ATP13A2: variants seen among roughly 807,000 people sequenced by gnomAD.
ATP13A2 encodes the protein ATPase cation transporting 13A2.
In ATP13A2, 83 loss-of-function variants were observed where a neutral mutation model predicts 138.3. That is an observed-to-expected ratio of 0.60 (90% CI 0.50 to 0.72). The LOEUF (loss-of-function observed/expected upper bound fraction) is 0.72. Ranked by LOEUF, ATP13A2 falls within the 30% of genes least tolerant of loss-of-function variation. The pLI is 0.00. For missense variants in ATP13A2, 1,402 were observed against 1,606.4 expected, an observed-to-expected ratio of 0.87 and a Z score of 2.17; for synonymous variants, 663 against 699.0, an observed-to-expected ratio of 0.95 and a Z score of 0.81.
chr1:16,996,052 C>T lies in ATP13A2; in HGVS notation c.1466G>A (p.Arg489Gln), dbSNP rs760567858. The T allele has an allele frequency of 1.3e-5, 21 of 1,613,980 alleles. No homozygotes were observed. The highest frequency in any genetic ancestry group is 1.7e-5 in the Non-Finnish European group (20 of 1,180,060). Residue 489 changes from arginine (R) to glutamine (Q), a missense_variant, in exon 15 of 29, where the codon CGG becomes CAG. Transcript: ENST00000326735. ...GTGGATGCAGAAAATGCCCTGTCTC[C>T]GCAGTCGGCTCTGGGCGTAGAGCGT... ...VCTLYAQSRLRRQGIFCIHPL... is the reference protein window; with the variant it reads ...VCTLYAQSRLQRQGIFCIHPL...
rs1285967567 is a variant in ATP13A2, at chr1:16,995,749, C to A, written c.1542+227G>T. ...ACGTGAGCCACCGCGCCCGGCCCCC[C>A]ACCAGTTCTTGAACACATGAATACA... On this transcript the variant is annotated intron_variant, in intron 15 of 28. Coordinates refer to ENST00000326735, the MANE Select transcript of ATP13A2 (RefSeq NM_022089.4). The surrounding 1 kb of genome is among the most constrained non-coding windows in gnomAD (Gnocchi z 4.1). 3 of 662,444 alleles carry A rather than the reference C, an allele frequency of 4.5e-6. No homozygotes were observed. Among genetic ancestry groups the A allele is most frequent in the South Asian group, 1.7e-5 (1 of 59,228 alleles). The allele number at this position is 662,444 out of a possible 1,614,324, so 41.0% of individuals were successfully genotyped here. A position where few individuals can be genotyped will look rare whatever the true frequency, so the allele number is the denominator to read the frequency against.
In ATP13A2 at chr1:16,987,207, C is replaced by T; in HGVS notation, c.2922G>A (p.Val974=). Residue 974 remains valine, a synonymous_variant, in exon 26 of 29, where the codon GTG becomes GTA. Coordinates refer to ENST00000326735, the MANE Select transcript of ATP13A2 (RefSeq NM_022089.4). Reference sequence around the variant, plus strand: ...GCCCCGTGCGGCTCATGAGCACTGCCACTGTGGTGGTGATGACCAGGTCGA... The same window carrying T: ...GCCCCGTGCGGCTCATGAGCACTGCTACTGTGGTGGTGATGACCAGGTCGA... ...LAIDLVITTT[V]AVLMSRTGPA... is the part of the protein sequence containing the mutation. 6.2e-7 allele frequency: 1 copy of T among 1,613,878 alleles called. No individual in the cohort carries two copies. Among genetic ancestry groups the T allele is most frequent in the Non-Finnish European group, 8.5e-7 (1 of 1,179,866 alleles).
intron 8 of ATP13A2, chr1:17,000,910 C>A: frequency 4.6e-6 from 1 of 217,068 alleles, no homozygotes; most frequent in Non-Finnish European, 9.3e-6. Context: ...CCACTGCACT[C>A]CAGCCTGAGT....
Position 16,996,478 on chromosome 1 carries a change from C to G in ATP13A2, c.1214G>C (p.Gly405Ala), listed in dbSNP as rs1302744924. 4 of 1,613,978 alleles carry G rather than the reference C, an allele frequency of 2.5e-6. No homozygotes were observed. Among genetic ancestry groups the G allele is most frequent in the Non-Finnish European group, 3.4e-6 (4 of 1,179,984 alleles). Residue 405 changes from glycine (G) to alanine (A), a missense_variant, in exon 13 of 29, where the codon GGG becomes GCG. By Grantham distance (60) the Gly-to-Ala change is moderately conservative. Transcript: ENST00000326735. ...GTGCAAGATGGAGCTCACCAGGCCC[C>G]CTTTTGCCGTGCAGAACCCTGGGGA... is the stretch of plus-strand genomic sequence containing the variant. The part of the protein sequence containing the change: ...VTRTGFCTAK[G>A]GLVSSILHPR...
intron 11 of ATP13A2, 47 bp from the exon 12 acceptor site, chr1:16,997,222 A>G (rs760618786): frequency 6.2e-7 from 1 of 1,609,538 alleles, no homozygotes; most frequent in Non-Finnish European, 8.5e-7. Flanking sequence ...CCTCCCTCCC[A>G]CCAGCAAACC....
rs759966151 is a variant in ATP13A2, at chr1:17,004,408, G to A, written c.481C>T (p.Arg161Trp). Residue 161 changes from arginine to tryptophan, a missense_variant, in exon 6 of 29, where the codon CGG becomes TGG. Arg to Trp is a moderately radical substitution (Grantham distance 101, BLOSUM62 -3). Coordinates refer to ENST00000326735, the MANE Select transcript of ATP13A2 (RefSeq NM_022089.4). The surrounding 1 kb of genome is among the most constrained non-coding windows in gnomAD (Gnocchi z 4.1). ...TGGAAGAGGTAATACCGCAGCACCCGCTTCTGGGTGGGAGAGAGGAGAGGA... is the reference window on the plus strand; with the variant it reads ...TGGAAGAGGTAATACCGCAGCACCCACTTCTGGGTGGGAGAGAGGAGAGGA... ...SEEAVSVGQK[R>W]VLRYYLFQGQ... The A allele has an allele frequency of 4.3e-6, 7 of 1,614,020 alleles. No individual in the cohort carries two copies. Among genetic ancestry groups the A allele is most frequent in the East Asian group, 2.2e-5 (1 of 44,872 alleles).
chr1:16,991,559 A>G lies in ATP13A2; in HGVS notation c.2251+175T>C, dbSNP rs377088002. Reference sequence around the variant, plus strand: ...TTTCCTCATCTGTCAAACAGGGGTGACAATTACCACTTGCGGGGGGGATAT... The same window carrying G: ...TTTCCTCATCTGTCAAACAGGGGTGGCAATTACCACTTGCGGGGGGGATAT... On this transcript the variant is annotated intron_variant, in intron 20 of 28. Transcript: ENST00000326735. Among the ~76,000 whole-genome samples, 3 of 152,188 alleles carry G rather than the reference A, an allele frequency of 2.0e-5. No homozygotes were observed. The East Asian group carries it at 5.8e-4, about 29-fold the overall frequency.
In ATP13A2 at chr1:16,997,075, G is replaced by C. The variant is rs1179481055; in HGVS notation, c.1140C>G (p.Ile380Met). 6.2e-7 allele frequency: 1 copy of C among 1,613,566 alleles called. No individual in the cohort carries two copies. The highest frequency in any genetic ancestry group is 2.2e-5 in the East Asian group (1 of 44,882). The change falls in exon 12 of 29, where the codon ATC becomes ATG. Residue 380 changes from isoleucine (I) to methionine (M), a missense_variant. Coordinates refer to ENST00000326735, the MANE Select transcript of ATP13A2 (RefSeq NM_022089.4). ...GTCCCACATAGGCCCGGGCCTGCAA[G>C]ATGAGGGTCCCGCAGAAGAGTGTGT... is the stretch of plus-strand genomic sequence containing the variant. ...RRHTLFCGTL[I>M]LQARAYVGPH...
intron 23 of ATP13A2, among the ~76,000 whole-genome samples, 182 bp downstream of exon 23, chr1:16,989,509 C>A (rs2076848564): frequency 6.6e-6 from 1 of 152,230 alleles, no homozygotes; most frequent in Non-Finnish European, 1.5e-5. Context: ...CCGCACCCAG[C>A]CTACAATTAT....
chr1:16,992,290 A>G lies in ATP13A2; in HGVS notation c.1958T>C (p.Val653Ala). The G allele has an allele frequency of 6.2e-7, 1 of 1,612,604 alleles. No individual in the cohort carries two copies. The highest frequency in any genetic ancestry group is 8.5e-7 in the Non-Finnish European group (1 of 1,179,852). Reference sequence around the variant, plus strand: ...TGCCACCAGCTCCGGGGAGCCTTTGACGTAGGCCTCGGGCTGAGTGGCCCC... The same window carrying G: ...TGCCACCAGCTCCGGGGAGCCTTTGGCGTAGGCCTCGGGCTGAGTGGCCCC... ...WPGATQPEAY[V>A]KGSPELVAGL... Residue 653 changes from valine (V) to alanine (A), a missense_variant, in exon 18 of 29, where the codon GTC becomes GCC. Physicochemically the swap from Val to Ala is moderately conservative, Grantham distance 64. Coordinates refer to ENST00000326735, the MANE Select transcript of ATP13A2 (RefSeq NM_022089.4).
chr1:17,005,295 G>A, intron 3 of ATP13A2, 79 bp downstream of exon 3: 5 of 1,542,566 alleles, frequency 3.2e-6, no homozygotes, highest in Non-Finnish European at 4.4e-6. Context: ...CAGTGGCCGG[G>A]TTGGCACCCA....
intron 25 of ATP13A2, among the ~76,000 whole-genome samples, 186 bp downstream of exon 25, chr1:16,987,952 C>T (rs984354393): frequency 2.6e-5 from 4 of 152,272 alleles, no homozygotes; most frequent in South Asian, 2.1e-4. Context: ...TACCAGGCTC[C>T]GTGCCTGGTG....
chr1:16,993,449 G>A (rs1242485204), intron 16 of ATP13A2, among the ~76,000 whole-genome samples, 180 bp downstream of exon 16: 3 of 152,138 alleles, frequency 2.0e-5, no homozygotes, highest in Admixed American at 6.5e-5. Flanking sequence ...TGATCCTCCC[G>A]TCTTGGCCTC....
intron 11 of ATP13A2, among the ~76,000 whole-genome samples, chr1:16,999,271 T>C (rs1249240410): frequency 6.6e-6 from 1 of 151,078 alleles, no homozygotes; most frequent in Non-Finnish European, 1.5e-5. Flanking sequence ...TCCCAGGTAC[T>C]TGGGTGGCTA....
rs551559306 is a variant in ATP13A2 at position 17,000,108 on chromosome 1, G to C, written c.942C>G (p.Pro314=). The part of the protein sequence containing the change: ...EEWVDSSELV[P]GDCLVLPQEG... The stretch of plus-strand genomic sequence containing the variant: ...CCTGGGGCAGCACCAGGCAGTCTCC[G>C]GGCACTAGCTCACTGGAGTCCACCC... The change falls in exon 11 of 29, where the codon CCC becomes CCG. Residue 314 remains proline, a synonymous_variant. Transcript: ENST00000326735. The C allele has an allele frequency of 8.1e-6, 13 of 1,613,330 alleles. No individual in the cohort carries two copies. Among genetic ancestry groups the C allele is most frequent in the Middle Eastern group, 1.6e-4 (1 of 6,084 alleles).
chr1:16,990,488 G>C (rs1483191070), intron 20 of ATP13A2, among the ~76,000 whole-genome samples: 1 of 152,164 alleles, frequency 6.6e-6, no homozygotes, highest in African/African-American at 2.4e-5. Flanking sequence ...GGAGAACCTG[G>C]AGCCGTGGGC....
Position 17,004,817 on chromosome 1 carries a change from C to T in ATP13A2, c.352G>A (p.Glu118Lys), listed in dbSNP as rs756152157. Residue 118 changes from glutamate (E) to lysine (K), a missense_variant, in exon 5 of 29, where the codon GAG becomes AAG. Coordinates refer to ENST00000326735, the MANE Select transcript of ATP13A2 (RefSeq NM_022089.4). The surrounding 1 kb of genome is among the most constrained non-coding windows in gnomAD (Gnocchi z 4.1). ...QTEAIGEGSL[E>K]PSPQSQAEDG... The stretch of plus-strand genomic sequence containing the variant: ...TCTGCCTGGGACTGTGGGGACGGCT[C>T]CAGGCTGGGGAAGCAGGTGAGGGTT... 2.7e-5 allele frequency: 43 copies of T among 1,613,772 alleles called. No individual in the cohort carries two copies. The South Asian group carries it at 4.7e-4, about 18-fold the overall frequency.
At position 16,996,874 on chromosome 1, in the gene ATP13A2, G is replaced by T. The variant is rs2077145985; in HGVS notation, c.1195+146C>A. The T allele has an allele frequency of 4.8e-6, 5 of 1,039,418 alleles. No individual in the cohort carries two copies. The African/African-American group carries it at 6.3e-5, about 13-fold the overall frequency. 64.4% of individuals were successfully genotyped at this position (1,039,418 alleles called of 1,614,324 possible). On this transcript the variant is annotated intron_variant, in intron 12 of 28. Coordinates refer to ENST00000326735, the MANE Select transcript of ATP13A2 (RefSeq NM_022089.4). ...ATGGGAATGCTCAGACCCCAGATGG[G>T]GGGCAACTGGCCCGAGGTCCCACAG...
chr1:17,005,723 C>A lies in ATP13A2; in HGVS notation c.66G>T (p.Gly22=). 1 of 1,613,742 alleles carries A rather than the reference C, an allele frequency of 6.2e-7. No individual in the cohort carries two copies. Among genetic ancestry groups the A allele is most frequent in the Non-Finnish European group, 8.5e-7 (1 of 1,179,844 alleles). Residue 22 remains glycine, a synonymous_variant, in exon 2 of 29, where the codon GGG becomes GGT. Coordinates refer to ENST00000326735, the MANE Select transcript of ATP13A2 (RefSeq NM_022089.4). ...AGGAGCTGAGGGGATCTATTGATGT[C>A]CCTATCGTCAGGGTCCCATAACCGG... is the stretch of plus-strand genomic sequence containing the variant. ...TPTGYGTLTI[G]TSIDPLSSSV...
Sources: gnomAD v4.1 joint callset for allele counts (sites outside exome capture counted in the v4.1 genomes callset) on GRCh38, gnomAD v4.1.1 for gene constraint, Gnocchi (gnomAD v3.1) non-coding constraint, MANE v1.5 for transcripts, NCBI Gene and HGNC (gene_info 2026-07-23, HGNC 2026-07-21) for gene names.